The following ASPRV1 variants were observed in gnomAD, a reference collection of about 807,000 sequenced individuals.
The protein encoded by ASPRV1 is aspartic peptidase retroviral like 1.
Under a neutral mutation model 11.0 loss-of-function variants are expected in ASPRV1, and 7 were observed. That is an observed-to-expected ratio of 0.64 (90% CI 0.36 to 1.20). The LOEUF is 1.20. ASPRV1 is among the 50% of genes most tolerant of loss of function. The probability of loss-of-function intolerance (pLI) is 0.02; values close to 1 mark genes in which losing one functional copy is unlikely to be tolerated. For missense variants in ASPRV1, 299 were observed against 320.0 expected (o/e 0.93, Z 0.50); for synonymous variants, 136 against 138.4 (o/e 0.98, Z 0.12).
the ASPRV1 span, among the ~76,000 whole-genome samples, chr2:70,086,700 A>G: frequency 6.6e-6 from 1 of 152,252 alleles, no homozygotes; most frequent in African/African-American, 2.4e-5. Context: ...CGCGGTGGAA[A>G]CGACACAAGG....
At chr2:70,021,475 C>T in the ASPRV1 span, among the ~76,000 whole-genome samples, 6 of 151,518 alleles carry the variant, frequency 4.0e-5, no homozygotes, top group East Asian at 2.0e-4. Context: ...CACACTGCCA[C>T]GCCCGGCTAA....
At chr2:70,059,453 T>A in the ASPRV1 span, among the ~76,000 whole-genome samples, 4 of 152,040 alleles carry the variant, frequency 2.6e-5, no homozygotes, top group Non-Finnish European at 4.4e-5. Flanking sequence ...CATTTCCAAG[T>A]TAATTAATCT....
chr2:69,938,907 T>TA, the ASPRV1 span: 4 of 152,796 alleles, frequency 2.6e-5, no homozygotes, highest in African/African-American at 9.6e-5. Context: ...GACACCTTGA[T>TA]AGTGTGTCTC....
chr2:70,033,292 C>CAA, the ASPRV1 span, among the ~76,000 whole-genome samples: 3 of 151,292 alleles, frequency 2.0e-5, no homozygotes, highest in Non-Finnish European at 4.4e-5. Context: ...CACACACACA[C>CAA]ACACACACAC....
the ASPRV1 span, among the ~76,000 whole-genome samples, chr2:70,064,939 C>G: frequency 5.9e-5 from 9 of 151,812 alleles, no homozygotes; most frequent in African/African-American, 1.9e-4. Context: ...ACTAAAAATA[C>G]AAAACTTAAG....
chr2:70,005,191 C>T, the ASPRV1 span, among the ~76,000 whole-genome samples: 1 of 152,168 alleles, frequency 6.6e-6, no homozygotes, highest in Admixed American at 6.6e-5. Context: ...TCCTGAGTAG[C>T]TGGGACTACA....
chr2:70,042,499 G>A, the ASPRV1 span, among the ~76,000 whole-genome samples: 3 of 152,172 alleles, frequency 2.0e-5, no homozygotes, highest in African/African-American at 7.2e-5. Context: ...GGAAGTCCAG[G>A]CAGAGGAACA....
At chr2:69,982,539 G>T in the ASPRV1 span, among the ~76,000 whole-genome samples, 2 of 152,348 alleles carry the variant, frequency 1.3e-5, no homozygotes, top group East Asian at 3.9e-4. Flanking sequence ...ATGGGTAGCT[G>T]AAAGGGGAGG....
the ASPRV1 span, among the ~76,000 whole-genome samples, chr2:70,041,110 C>T: frequency 6.6e-6 from 1 of 152,178 alleles, no homozygotes; most frequent in African/African-American, 2.4e-5. Flanking sequence ...GGACATGGTC[C>T]ATCCATATTT....
At chr2:70,005,622 T>G in the ASPRV1 span, among the ~76,000 whole-genome samples, 1 of 152,192 alleles carries the variant, frequency 6.6e-6, no homozygotes, top group South Asian at 2.1e-4. Context: ...GGTTTAATAA[T>G]AAAGCATTTA....
the ASPRV1 span, among the ~76,000 whole-genome samples, chr2:69,984,588 T>C: frequency 3.5e-5 from 5 of 142,650 alleles, no homozygotes; most frequent in South Asian, 2.2e-4. Flanking sequence ...TTAAAAGAGA[T>C]AGAAAGGGGA....
downstream of ASPRV1, among the ~76,000 whole-genome samples, chr2:69,957,809 G>A (rs1246160829): frequency 6.6e-6 from 1 of 152,112 alleles, no homozygotes; most frequent in Admixed American, 6.5e-5. Flanking sequence ...AGGAACTGAT[G>A]TTCATGGGTC....
At position 69,961,397 on chromosome 2, in the gene ASPRV1, GC is replaced by G; in HGVS notation, c.39del (p.Gln14SerfsTer38). 6.2e-7 allele frequency: 1 copy of G among 1,614,112 alleles called. No homozygotes were observed. Among genetic ancestry groups the G allele is most frequent in the Non-Finnish European group, 8.5e-7 (1 of 1,180,026 alleles). ...AAAGGTTCCGGGACGAAGGCATGCTGCCGGCGGCCTTCCTCACTCCTGGCTC... is the reference window on the plus strand; with the variant it reads ...AAAGGTTCCGGGACGAAGGCATGCTGCGGCGGCCTTCCTCACTCCTGGCTC... Reference protein sequence around the residue: ...GSGARSEEGRRQHAFVPEPFD... With the variant: ...GSGARSEEGRXQHAFVPEPFD... On this transcript the variant is annotated frameshift_variant, in exon 1 of 1. Transcript: ENST00000320256. LOFTEE classifies it high-confidence loss of function.
chr2:70,071,126 G>C, the ASPRV1 span, among the ~76,000 whole-genome samples: 1 of 152,192 alleles, frequency 6.6e-6, no homozygotes, highest in Non-Finnish European at 1.5e-5. Flanking sequence ...ATGATTACAA[G>C]AGTAGGAGAC....
the ASPRV1 span, among the ~76,000 whole-genome samples, chr2:69,951,300 T>C: frequency 6.6e-6 from 1 of 151,672 alleles, no homozygotes; most frequent in Non-Finnish European, 1.5e-5. Context: ...GGCAGGTGCC[T>C]GTAGTCCCAG....
chr2:70,020,236 T>C, the ASPRV1 span, among the ~76,000 whole-genome samples: 9 of 152,194 alleles, frequency 5.9e-5, no homozygotes, highest in East Asian at 5.8e-4. Flanking sequence ...AATTCCACTC[T>C]GGTTATATAT....
At chr2:69,967,962 G>C in the ASPRV1 span, among the ~76,000 whole-genome samples, 1 of 152,128 alleles carries the variant, frequency 6.6e-6, no homozygotes, top group African/African-American at 2.4e-5. Flanking sequence ...CATGCCTGTA[G>C]TCCTGGCTAT....
the ASPRV1 span, among the ~76,000 whole-genome samples, chr2:70,002,536 C>T: frequency 2.6e-5 from 4 of 152,194 alleles, no homozygotes; most frequent in Non-Finnish European, 5.9e-5. Context: ...GGCTACCTGT[C>T]AATCTAGTTC....
chr2:70,068,363 A>C, the ASPRV1 span, among the ~76,000 whole-genome samples: 1 of 152,228 alleles, frequency 6.6e-6, no homozygotes, highest in Non-Finnish European at 1.5e-5. Context: ...GGTTGAAGAA[A>C]GAGCTAGTTT....
Sources: allele counts gnomAD v4.1 joint callset (sites outside exome capture counted in the v4.1 genomes callset), GRCh38; gene constraint gnomAD v4.1.1; transcripts MANE v1.5; gene names NCBI Gene and HGNC (gene_info 2026-07-23, HGNC 2026-07-21).